SLC9A7: variants seen among roughly 807,000 people sequenced by gnomAD.
SLC9A7 encodes sodium/hydrogen exchanger 7.
In SLC9A7, 19 loss-of-function variants were observed where a neutral mutation model predicts 52.6. The observed-to-expected ratio is 0.36, with a 90% CI of 0.25 to 0.53. The LOEUF (loss-of-function observed/expected upper bound fraction) is 0.53, where lower values mean the gene tolerates loss of function less well. SLC9A7 is among the 20% of genes least tolerant of loss of function. The pLI, the probability that SLC9A7 is intolerant of heterozygous loss-of-function variation, is 0.91. For synonymous variants in SLC9A7, 226 were observed against 252.1 expected (o/e 0.90, Z 0.98); for missense variants, 455 against 597.9 (o/e 0.76, Z 2.49).
At chrX:46,738,105 A>G (rs1436814357) in intron 1 of SLC9A7, among the ~76,000 whole-genome samples, 2 of 48,403 alleles carry the variant, frequency 4.1e-5, no homozygotes, top group East Asian at 3.9e-4. Context: ...GAAAGAAAGA[A>G]AGAGAAAAGA....
At chrX:46,657,013 C>A (rs1464038665) in intron 7 of SLC9A7, among the ~76,000 whole-genome samples, 20 of 107,435 alleles carry the variant, frequency 1.9e-4, no homozygotes, top group Non-Finnish European at 2.7e-4. Context: ...ATCAGACTAA[C>A]AGCGGATCTC....
chrX:46,645,214 T>C (rs1160854845), intron 11 of SLC9A7, among the ~76,000 whole-genome samples: 2 of 112,264 alleles, frequency 1.8e-5, no homozygotes, highest in Non-Finnish European at 3.8e-5. Context: ...TGAGCATATT[T>C]AAGTTGACCT....
At chrX:46,738,107 G>GAGAAA (rs1481227720) in intron 1 of SLC9A7, among the ~76,000 whole-genome samples, 3 of 47,443 alleles carry the variant, frequency 6.3e-5, no homozygotes, top group African/African-American at 1.4e-4. Context: ...AAGAAAGAAA[G>GAGAAA]AGAAAAGAAA....
At position 46,759,060 on chromosome X, in the gene SLC9A7, C is replaced by A; in HGVS notation, c.-31G>T. On this transcript the variant is annotated 5_prime_UTR_variant, in exon 1 of 17. Coordinates refer to ENST00000616978, the MANE Select transcript of SLC9A7 (RefSeq NM_001257291.2). The stretch of plus-strand genomic sequence containing the variant: ...CGGGGCCCCCCGCGCCTCCTCCGAG[C>A]GGGGACCAGCAGCCCGCGCCGTCGG... 1.1e-6 allele frequency: 1 copy of A among 882,336 alleles called. No homozygotes were observed. The highest frequency in any genetic ancestry group is 1.4e-6 in the Non-Finnish European group (1 of 714,447). The allele number at this position is 882,336 out of a possible 1,213,427, so 72.7% of individuals were successfully genotyped here.
At chrX:46,739,492 T>C (rs1921173691) in intron 1 of SLC9A7, among the ~76,000 whole-genome samples, 1 of 110,643 alleles carries the variant, frequency 9.0e-6, no homozygotes, top group Non-Finnish European at 1.9e-5. Flanking sequence ...GTGTTCTCCA[T>C]GGCTGAAGCT....
chrX:46,698,580 G>T (rs5906257), intron 1 of SLC9A7, among the ~76,000 whole-genome samples: 26,304 of 110,592 alleles, frequency 0.24, 2,452 homozygotes, highest in South Asian at 0.4. Flanking sequence ...TGGACTGGTT[G>T]TTCTCTCTCC....
rs1942666031 is a variant in SLC9A7 at position 46,601,970 on chromosome X, T to C, written c.*4982A>G. 4 of 110,807 alleles carry C rather than the reference T, an allele frequency of 3.6e-5. No individual in the cohort carries two copies. The highest frequency in any genetic ancestry group is 7.6e-5 in the Non-Finnish European group (4 of 52,899). 9.1% of individuals were successfully genotyped at this position (110,807 alleles called of 1,213,427 possible). A position where few individuals can be genotyped will look rare whatever the true frequency, so the allele number is the denominator to read the frequency against. On this transcript the variant is annotated 3_prime_UTR_variant, in exon 17 of 17. Coordinates refer to ENST00000616978, the MANE Select transcript of SLC9A7 (RefSeq NM_001257291.2). ...CCCACCCTTATTCTGAGGAATCCAGTGTGGACTCAGGCATGAGGATAGGTG... is the reference window on the plus strand; with the variant it reads ...CCCACCCTTATTCTGAGGAATCCAGCGTGGACTCAGGCATGAGGATAGGTG...
chrX:46,695,813 C>T (rs1288551063), intron 1 of SLC9A7, among the ~76,000 whole-genome samples: 1 of 109,658 alleles, frequency 9.1e-6, no homozygotes, highest in Non-Finnish European at 1.9e-5. Context: ...CATATTTGCT[C>T]GCTGGCAATC....
At chrX:46,682,855 G>A (rs777104742) in intron 1 of SLC9A7, among the ~76,000 whole-genome samples, 3 of 109,076 alleles carry the variant, frequency 2.8e-5, no homozygotes, top group South Asian at 8.2e-4. Flanking sequence ...GTGCAGTGGC[G>A]TGATCTGGGC....
At chrX:46,662,262 T>A (rs1350103655) in intron 6 of SLC9A7, 105 bp from the exon 7 acceptor site, 1 of 784,904 alleles carries the variant, frequency 1.3e-6, no homozygotes, top group Non-Finnish European at 1.8e-6. Flanking sequence ...TTGTCAAGCA[T>A]TGGCCAGGGT....
At chrX:46,715,576 G>A (rs765957630) in intron 1 of SLC9A7, among the ~76,000 whole-genome samples, 1 of 111,978 alleles carries the variant, frequency 8.9e-6, no homozygotes, top group East Asian at 2.8e-4. Context: ...TTCTCGGTTA[G>A]TTGAAAATGA....
In SLC9A7 at chrX:46,651,239, AAAAGG is replaced by A. The variant is rs771743524; in HGVS notation, c.1237-21_1237-17del. ...CCTCAAAGAGCTGCACAGAGAAGGG[AAAAGG>A]AAGCTGTAACCCTGCAGTTCCCCCT... On this transcript the variant is annotated splice_polypyrimidine_tract_variant and intron_variant, in intron 9 of 16. Transcript: ENST00000616978. The A allele has an allele frequency of 4.2e-6, 5 of 1,180,593 alleles. No individual in the cohort carries two copies. In the South Asian group the frequency reaches 8.9e-5, roughly 21 times the overall value.
At chrX:46,665,853 C>T (rs765735849) in intron 5 of SLC9A7, among the ~76,000 whole-genome samples, 1 of 109,876 alleles carries the variant, frequency 9.1e-6, no homozygotes, top group Non-Finnish European at 1.9e-5. Flanking sequence ...GGTGCAAATG[C>T]ATTTTTTTTT....
intron 1 of SLC9A7, among the ~76,000 whole-genome samples, chrX:46,753,754 C>T (rs1922407621): frequency 9.0e-6 from 1 of 110,870 alleles, no homozygotes; most frequent in Non-Finnish European, 1.9e-5. Flanking sequence ...GAGGCTGAGG[C>T]GGGCGGATCA....
chrX:46,640,948 G>T (rs1454898403), intron 12 of SLC9A7, among the ~76,000 whole-genome samples: 1 of 112,038 alleles, frequency 8.9e-6, no homozygotes, highest in African/African-American at 3.2e-5. Flanking sequence ...AATGTACAAT[G>T]GTACAGCCAC....
chrX:46,696,890 C>T (rs1040845329), intron 1 of SLC9A7, among the ~76,000 whole-genome samples: 2 of 111,881 alleles, frequency 1.8e-5, no homozygotes, highest in African/African-American at 6.5e-5. Flanking sequence ...GGACTTTGCC[C>T]AAGGTTACAC....
chrX:46,668,508 A>AAAAAC (rs1425567380), intron 5 of SLC9A7, among the ~76,000 whole-genome samples: 4 of 111,730 alleles, frequency 3.6e-5, no homozygotes, highest in Non-Finnish European at 5.6e-5. Context: ...ACTCCATCTC[A>AAAAAC]AAAACAAAAC....
At chrX:46,625,005 C>T (rs1021532266) in intron 14 of SLC9A7, among the ~76,000 whole-genome samples, 5 of 110,706 alleles carry the variant, frequency 4.5e-5, no homozygotes, top group African/African-American at 1.6e-4. Context: ...GTGAAGGTGG[C>T]GAGGGTTGGG....
Position 46,603,990 on chromosome X carries a change from C to G in SLC9A7, c.*2962G>C, listed in dbSNP as rs1942701612. 8.9e-6 allele frequency: 1 copy of G among 112,136 alleles called. No homozygotes were observed. Among genetic ancestry groups the G allele is most frequent in the Non-Finnish European group, 1.9e-5 (1 of 53,152 alleles). The allele number at this position is 112,136 out of a possible 1,213,427, so 9.2% of individuals were successfully genotyped here. The stretch of plus-strand genomic sequence containing the variant: ...AAGATAAGCAAAGCTTTATAAAGAC[C>G]CAACCAAAGACCCAAGCAGCCTATC... On this transcript the variant is annotated 3_prime_UTR_variant, in exon 17 of 17. Coordinates refer to ENST00000616978, the MANE Select transcript of SLC9A7 (RefSeq NM_001257291.2).
Sources: allele counts gnomAD v4.1 joint callset (sites outside exome capture counted in the v4.1 genomes callset), GRCh38; gene constraint gnomAD v4.1.1; transcripts MANE v1.5; gene names NCBI Gene and HGNC (gene_info 2026-07-23, HGNC 2026-07-21).